Variants in MINDY2 observed in about 807,000 individuals in gnomAD.
MINDY2 encodes ubiquitin carboxyl-terminal hydrolase MINDY-2.
Under a neutral mutation model 68.2 loss-of-function variants are expected in MINDY2, and 52 were observed. That is an observed-to-expected ratio of 0.76 (90% CI 0.61 to 0.96). MINDY2 has a LOEUF of 0.96. Among genes scored for constraint, MINDY2 ranks in the 40% least tolerant of loss-of-function variants. The pLI is 0.00. For missense variants in MINDY2, 881 were observed against 773.4 expected (o/e 1.14, Z -1.65); for synonymous variants, 372 against 303.0 (o/e 1.23, Z -2.36).
At chr15:58,843,766 G>A (rs1161668239) in intron 6 of MINDY2, among the ~76,000 whole-genome samples, 23 of 143,512 alleles carry the variant, frequency 1.6e-4, no homozygotes, top group Admixed American at 1.6e-3. Context: ...CCTGGGAGGC[G>A]GAGTTTGCAG....
In MINDY2 at chr15:58,831,039, G is replaced by GTATATATA. The variant is rs1247362730; in HGVS notation, c.1226-734_1226-733insATATATAT. Among the ~76,000 whole-genome samples the GTATATATA allele has an allele frequency of 3.6e-3, 399 of 109,576 alleles. 3 individuals are homozygous for GTATATATA. Among genetic ancestry groups the GTATATATA allele is most frequent in the African/African-American group, 0.015 (378 of 24,772 alleles). 71.9% of individuals were successfully genotyped at this position (109,576 alleles called of 152,430 possible). A position where few individuals can be genotyped will look rare whatever the true frequency, so the allele number is the denominator to read the frequency against. On this transcript the variant is annotated intron_variant, in intron 5 of 8. Coordinates refer to ENST00000559228, the MANE Select transcript of MINDY2 (RefSeq NM_001040450.3). ...GTTGTGTGTGTGTGTGTGTGTGTGT[G>GTATATATA]TGTATATATATATATATATATGTTT...
At chr15:58,790,366 C>T (rs190676665) in intron 2 of MINDY2, among the ~76,000 whole-genome samples, 2 of 151,942 alleles carry the variant, frequency 1.3e-5, no homozygotes, top group East Asian at 3.9e-4. Context: ...TGAGGAATAG[C>T]CAATATGACT....
chr15:58,824,092 T>C (rs558456983), intron 5 of MINDY2, among the ~76,000 whole-genome samples: 160 of 152,318 alleles, frequency 1.1e-3, no homozygotes, highest in African/African-American at 3.5e-3. Flanking sequence ...AACTGACTTA[T>C]GGAGTATGAA....
At chr15:58,822,820 C>T (rs918216814) in intron 5 of MINDY2, among the ~76,000 whole-genome samples, 4 of 152,230 alleles carry the variant, frequency 2.6e-5, no homozygotes, top group African/African-American at 9.6e-5. Context: ...ATTCTTCTGT[C>T]TGTGAAAGGG....
intron 7 of MINDY2, among the ~76,000 whole-genome samples, chr15:58,849,285 G>A (rs1403901839): frequency 3.3e-5 from 5 of 151,698 alleles, no homozygotes; most frequent in Non-Finnish European, 5.9e-5. Flanking sequence ...GGCCGATCAC[G>A]AGGTCGGGAG....
intron 8 of MINDY2, 54 bp from the exon 9 acceptor site, chr15:58,854,428 A>T: frequency 3.8e-6 from 6 of 1,570,230 alleles, no homozygotes; most frequent in Non-Finnish European, 5.2e-6. Flanking sequence ...GATAACCATG[A>T]GTAAGTCCCT....
At chr15:58,837,084 G>A (rs1033849705) in intron 6 of MINDY2, among the ~76,000 whole-genome samples, 1 of 152,118 alleles carries the variant, frequency 6.6e-6, no homozygotes, top group Non-Finnish European at 1.5e-5. Flanking sequence ...AAAATTTAGG[G>A]AAGGGGTTCT....
chr15:58,774,481 T>TC (rs1900650440), intron 1 of MINDY2, among the ~76,000 whole-genome samples: 3 of 100,978 alleles, frequency 3.0e-5, no homozygotes, highest in Admixed American at 2.5e-4. Context: ...TGAAACCCCG[T>TC]CCCAAAAAAA....
chr15:58,859,034 A>G lies in MINDY2; in HGVS notation c.*4424A>G, dbSNP rs1196803414. On this transcript the variant is annotated 3_prime_UTR_variant, in exon 9 of 9. Coordinates refer to ENST00000559228, the MANE Select transcript of MINDY2 (RefSeq NM_001040450.3). ...ATTTATCACAAATATTACACATCCT[A>G]TGTTCTTGAATGTGCACACTTTTTT... 9 of 152,118 alleles carry G rather than the reference A, an allele frequency of 5.9e-5. No individual in the cohort carries two copies. Among genetic ancestry groups the G allele is most frequent in the South Asian group, 2.1e-4 (1 of 4,838 alleles). 9.4% of individuals were successfully genotyped at this position (152,118 alleles called of 1,614,324 possible).
At chr15:58,806,574 T>C (rs682619) in intron 3 of MINDY2, among the ~76,000 whole-genome samples, 70,066 of 151,752 alleles carry the variant, frequency 0.46, 17,543 homozygotes, top group East Asian at 0.94. Flanking sequence ...GGTGTTAACT[T>C]AGTTGTTTTA....
rs1329453488 is a variant in MINDY2 at position 58,821,661 on chromosome 15, CTTTT to C, written c.1123-55_1123-52del. ...AAATTCTAAAGAGTGATATGGCTTT[CTTTT>C]GTTTTGTTCCTAATCTTACCATGAT... On this transcript the variant is annotated intron_variant, in intron 4 of 8. Transcript: ENST00000559228. 6.5e-6 allele frequency: 7 copies of C among 1,075,180 alleles called. No homozygotes were observed. The Admixed American group carries it at 2.0e-4, about 31-fold the overall frequency. The allele number at this position is 1,075,180 out of a possible 1,614,324, so 66.6% of individuals were successfully genotyped here. A position where few individuals can be genotyped will look rare whatever the true frequency, so the allele number is the denominator to read the frequency against.
rs1555428847 is a variant in MINDY2 at position 58,791,622 on chromosome 15, A to ACGTGTGTG, written c.898+3659_898+3660insCGTGTGTG. On this transcript the variant is annotated intron_variant, in intron 2 of 8. Coordinates refer to ENST00000559228, the MANE Select transcript of MINDY2 (RefSeq NM_001040450.3). ...ACAGGGCAAGACCCTGTCTCAAAAT[A>ACGTGTGTG]TGTGTGTGTGTGTGTGTGTGTGTGT... Among the ~76,000 whole-genome samples the ACGTGTGTG allele has an allele frequency of 8.8e-5, 12 of 136,754 alleles. No individual in the cohort carries two copies. The East Asian group carries it at 1.7e-3, about 19-fold the overall frequency. 89.7% of individuals were successfully genotyped at this position (136,754 alleles called of 152,430 possible). A position where few individuals can be genotyped will look rare whatever the true frequency, so the allele number is the denominator to read the frequency against.
chr15:58,788,194 T>C (rs1299924175), intron 2 of MINDY2, among the ~76,000 whole-genome samples: 1 of 152,194 alleles, frequency 6.6e-6, no homozygotes, highest in Non-Finnish European at 1.5e-5. Flanking sequence ...CTAGGTAACG[T>C]CTAGAAAACA....
chr15:58,833,901 G>C (rs1196528386), intron 6 of MINDY2, among the ~76,000 whole-genome samples: 1 of 152,028 alleles, frequency 6.6e-6, no homozygotes, highest in East Asian at 1.9e-4. Context: ...CTGCCGGACG[G>C]TCAGGTCTTT....
intron 2 of MINDY2, among the ~76,000 whole-genome samples, chr15:58,800,606 A>T (rs1274542247): frequency 6.6e-6 from 1 of 150,660 alleles, no homozygotes; most frequent in Admixed American, 6.6e-5. Flanking sequence ...CCCTCAAAAG[A>T]TGCTTTTTCT....
intron 1 of MINDY2, among the ~76,000 whole-genome samples, chr15:58,781,555 A>C (rs753547954): frequency 2.0e-5 from 3 of 152,226 alleles, no homozygotes; most frequent in Non-Finnish European, 4.4e-5. Context: ...AAAGTGTTTC[A>C]GAATTTCAAA....
Position 58,851,797 on chromosome 15 carries a change from A to G in MINDY2, c.1569A>G (p.Gln523=), listed in dbSNP as rs2032826512. 6.3e-7 allele frequency: 1 copy of G among 1,594,630 alleles called. No individual in the cohort carries two copies. The highest frequency in any genetic ancestry group is 8.5e-7 in the Non-Finnish European group (1 of 1,174,856). The change falls in exon 8 of 9, where the codon CAA becomes CAG. Residue 523 remains glutamine, a synonymous_variant. Coordinates refer to ENST00000559228, the MANE Select transcript of MINDY2 (RefSeq NM_001040450.3). ...DQDYLMALSL[Q]QEQQSQEINW... ...ATTATCTTATGGCATTATCTCTACA[A>G]CAAGAACAGCAGAGCCAAGAGATCA... is the stretch of plus-strand genomic sequence containing the variant.
intron 4 of MINDY2, 114 bp from the exon 5 acceptor site, chr15:58,821,603 T>C: frequency 2.1e-6 from 1 of 474,432 alleles, no homozygotes; most frequent in Non-Finnish European, 3.2e-6. Flanking sequence ...TTTTCGTAAA[T>C]AATAGTTTTA....
At chr15:58,830,463 G>C (rs1473512523) in intron 5 of MINDY2, among the ~76,000 whole-genome samples, 1 of 152,150 alleles carries the variant, frequency 6.6e-6, no homozygotes, top group African/African-American at 2.4e-5. Flanking sequence ...GAGGATTTCA[G>C]ATTTCTCATT....
Sources: gnomAD v4.1 joint callset for allele counts (sites outside exome capture counted in the v4.1 genomes callset) on GRCh38, gnomAD v4.1.1 for gene constraint, MANE v1.5 for transcripts, NCBI Gene and HGNC (gene_info 2026-07-23, HGNC 2026-07-21) for gene names.